Variants in INTS5 observed in about 807,000 individuals in gnomAD.
INTS5 encodes the protein KIAA1698.
A neutral mutation model predicts 60.0 loss-of-function variants in INTS5; 29 were observed. That is an observed-to-expected ratio of 0.48 (90% CI 0.36 to 0.66). INTS5 has a LOEUF of 0.66. Ranked by LOEUF, INTS5 falls within the 30% of genes least tolerant of loss-of-function variation. The pLI is 0.00. For synonymous variants in INTS5, 588 were observed against 558.8 expected, an observed-to-expected ratio of 1.05 and a Z score of -0.74; for missense variants, 1,129 against 1,307.9, an observed-to-expected ratio of 0.86 and a Z score of 2.11.
At position 62,647,354 on chromosome 11, in the gene INTS5, G is replaced by A. The variant is rs1944531028; in HGVS notation, c.2726C>T (p.Thr909Ile). The change falls in exon 2 of 2, where the codon ACC (threonine) becomes ATC (isoleucine). Residue 909 changes from threonine to isoleucine, a missense_variant. Coordinates refer to ENST00000330574, the MANE Select transcript of INTS5 (RefSeq NM_030628.2). Reference protein sequence around the residue: ...HSPWHLEASCTLVAVMAEGSL... With the variant: ...HSPWHLEASCILVAVMAEGSL... ...TCCCTCAGCCATGACAGCCACTAAG[G>A]TGCAGGATGCCTCCAGGTGCCAGGG... The A allele has an allele frequency of 1.9e-6, 3 of 1,613,854 alleles. No individual in the cohort carries two copies. Among genetic ancestry groups the A allele is most frequent in the Admixed American group, 3.3e-5 (2 of 60,032 alleles).
rs548939308 is a variant in INTS5 at position 62,648,055 on chromosome 11, G to C, written c.2025C>G (p.Thr675=). The C allele has an allele frequency of 6.2e-6, 10 of 1,614,172 alleles. No individual in the cohort carries two copies. In the African/African-American group the frequency reaches 1.3e-4, roughly 22 times the overall value. ...PGVASACQLL[T]RLSQTSPAGL... is the part of the protein sequence containing the mutation. ...CAGCTGGGGATGTCTGAGACAGGCG[G>C]GTGAGAAGCTGACAGGCTGAGGCCA... Residue 675 remains threonine (T), a synonymous_variant, in exon 2 of 2, where the codon ACC becomes ACG. Transcript: ENST00000330574. This position sits in a 1 kb window ranked among gnomAD's most constrained non-coding sequence, Gnocchi z 4.4.
chr11:62,649,707 C>T lies in INTS5; in HGVS notation c.373G>A (p.Val125Met). 6.2e-7 allele frequency: 1 copy of T among 1,614,228 alleles called. No individual in the cohort carries two copies. The highest frequency in any genetic ancestry group is 8.5e-7 in the Non-Finnish European group (1 of 1,180,042). ...ATAAACTCAGACAGCACCTGCTGCA[C>T]TTCCTGAACCACATCCTCTAGACCA... Reference protein sequence around the residue: ...GPGLEDVVQEVQQVLSEFIRA... With the variant: ...GPGLEDVVQEMQQVLSEFIRA... Residue 125 changes from valine to methionine, a missense_variant, in exon 2 of 2, where the codon GTG (valine) becomes ATG (methionine). Around this residue, in one of 3 missense-constraint regions of INTS5, gnomAD observed 1,070 missense variants for 1,246.1 expected, o/e 0.86. Coordinates refer to ENST00000330574, the MANE Select transcript of INTS5 (RefSeq NM_030628.2). The surrounding 1 kb of genome is among the most constrained non-coding windows in gnomAD (Gnocchi z 6.0).
At position 62,647,572 on chromosome 11, in the gene INTS5, G is replaced by C; in HGVS notation, c.2508C>G (p.His836Gln). 6.2e-7 allele frequency: 1 copy of C among 1,613,916 alleles called. No individual in the cohort carries two copies. The highest frequency in any genetic ancestry group is 1.1e-5 in the South Asian group (1 of 91,086). ...GAELAWPPEEHARATVERDLR... is the reference protein window; with the variant it reads ...GAELAWPPEEQARATVERDLR... ...GATCCCGCTCCACGGTGGCCCGGGC[G>C]TGTTCCTCGGGGGGCCAGGCCAGCT... is the stretch of plus-strand genomic sequence containing the variant. Residue 836 changes from histidine to glutamine, a missense_variant, in exon 2 of 2, where the codon CAC becomes CAG. Around this residue, in one of 3 missense-constraint regions of INTS5, gnomAD observed 1,070 missense variants for 1,246.1 expected, o/e 0.86. Coordinates refer to ENST00000330574, the MANE Select transcript of INTS5 (RefSeq NM_030628.2).
chr11:62,648,542 CT>C lies in INTS5; in HGVS notation c.1537del (p.Ser513AlafsTer11), dbSNP rs776385337. ...ATGGCCCAAGGCCTCAGGTCCACAG[CT>C]AGGCCGGGTATAGACAGACAGCAGG... is the stretch of plus-strand genomic sequence containing the variant. The part of the protein sequence containing the change: ...LGLLSVYTRP[S>X]CGPEALGHLL... On this transcript the variant is annotated frameshift_variant, in exon 2 of 2. Transcript: ENST00000330574. LOFTEE classifies it high-confidence loss of function. The surrounding 1 kb of genome is among the most constrained non-coding windows in gnomAD (Gnocchi z 4.4). 1 of 1,614,172 alleles carries C rather than the reference CT, an allele frequency of 6.2e-7. No homozygotes were observed. The highest frequency in any genetic ancestry group is 1.7e-5 in the Admixed American group (1 of 60,032).
At position 62,653,277 on chromosome 11, in the gene INTS5, C is replaced by T; in HGVS notation, c.-28G>A. ...CGGAGCCCGAGCCGAGCCCGAGGCG[C>T]GAGCGGCGGAGCGCAGGCGGCGCAT... On this transcript the variant is annotated 5_prime_UTR_variant, in exon 1 of 2. Transcript: ENST00000330574. 1 of 1,240,472 alleles carries T rather than the reference C, an allele frequency of 8.1e-7. No individual in the cohort carries two copies. The highest frequency in any genetic ancestry group is 1.0e-6 in the Non-Finnish European group (1 of 985,550). The allele number at this position is 1,240,472 out of a possible 1,614,324, so 76.8% of individuals were successfully genotyped here. A position where few individuals can be genotyped will look rare whatever the true frequency, so the allele number is the denominator to read the frequency against.
Position 62,647,219 on chromosome 11 carries a change from C to G in INTS5, c.2861G>C (p.Gly954Ala). ...GAAGATGAACTTCTGAGGCAAGGGC[C>G]CATGCTCCCGGAGAAAACCCCAGAC... Reference protein sequence around the residue: ...LSVWGFLREHGPLPQKFIFQS... With the variant: ...LSVWGFLREHAPLPQKFIFQS... The change falls in exon 2 of 2, where the codon GGG becomes GCG. Residue 954 changes from glycine (G) to alanine (A), a missense_variant. Gly to Ala is a moderately conservative substitution (Grantham distance 60, BLOSUM62 0). This residue lies in a region of INTS5 where 1,070 missense variants were observed against 1,246.1 expected (regional missense o/e 0.86). Transcript: ENST00000330574. The G allele has an allele frequency of 1.4e-5, 22 of 1,614,234 alleles. No individual in the cohort carries two copies. The highest frequency in any genetic ancestry group is 1.9e-5 in the Non-Finnish European group (22 of 1,180,044).
chr11:62,647,718 T>C lies in INTS5; in HGVS notation c.2362A>G (p.Ser788Gly). ...SLLSLLVHCC[S>G]APGGTECGEC... ...CCACATTCAGTGCCCCCTGGGGCACTGCAGCAGTGAACCAGGAGGCTGAGG... is the reference window on the plus strand; with the variant it reads ...CCACATTCAGTGCCCCCTGGGGCACCGCAGCAGTGAACCAGGAGGCTGAGG... The change falls in exon 2 of 2, where the codon AGT becomes GGT. Residue 788 changes from serine to glycine, a missense_variant. By Grantham distance (56) the Ser-to-Gly change is moderately conservative. This residue lies in a region of INTS5 where 1,070 missense variants were observed against 1,246.1 expected (regional missense o/e 0.86). Transcript: ENST00000330574. 6.2e-7 allele frequency: 1 copy of C among 1,614,176 alleles called. No homozygotes were observed. The highest frequency in any genetic ancestry group is 1.3e-5 in the African/African-American group (1 of 75,062).
rs1301791224 is a variant in INTS5, at chr11:62,647,117, A to G, written c.2963T>C (p.Leu988Pro). ...GGEGGPHLAV[L>P]HSVLHRNIDR... The stretch of plus-strand genomic sequence containing the variant: ...GATGTTGCGGTGGAGGACACTGTGC[A>G]GCACAGCCAGATGGGGTCCACCCTC... The change falls in exon 2 of 2, where the codon CTG becomes CCG. Residue 988 changes from leucine (L) to proline (P), a missense_variant. By Grantham distance (98) the Leu-to-Pro change is moderately conservative (BLOSUM62 -3). Transcript: ENST00000330574. 5.6e-6 allele frequency: 9 copies of G among 1,614,054 alleles called. No homozygotes were observed. Among genetic ancestry groups the G allele is most frequent in the Non-Finnish European group, 7.6e-6 (9 of 1,180,034 alleles).
chr11:62,651,842 G>A (rs1944597038), intron 1 of INTS5, among the ~76,000 whole-genome samples: 1 of 152,088 alleles, frequency 6.6e-6, no homozygotes, highest in Non-Finnish European at 1.5e-5. Flanking sequence ...CAGACTGTGT[G>A]CGCCGTCAAA....
rs199559370 is a variant in INTS5, at chr11:62,646,985, G to A, written c.*35C>T. On this transcript the variant is annotated 3_prime_UTR_variant, in exon 2 of 2. Transcript: ENST00000330574. ...ACGTTAGTCCCTTCCCTCTCTCACT[G>A]CTCAACCTCCCTGGGCTTCCAGAGC... 461 of 1,556,142 alleles carry A rather than the reference G, an allele frequency of 3.0e-4. 3 individuals are homozygous for A. In the African/African-American group the frequency reaches 5.8e-3, roughly 19 times the overall value.
chr11:62,652,234 G>A (rs1403688498), intron 1 of INTS5, among the ~76,000 whole-genome samples: 1 of 150,820 alleles, frequency 6.6e-6, no homozygotes, highest in Non-Finnish European at 1.5e-5. Context: ...CATGAGAATC[G>A]CTTGAACCCA....
rs1412229027 is a variant in INTS5 at position 62,647,711 on chromosome 11, G to A, written c.2369C>T (p.Pro790Leu). 6.2e-7 allele frequency: 1 copy of A among 1,614,048 alleles called. No homozygotes were observed. Among genetic ancestry groups the A allele is most frequent in the Non-Finnish European group, 8.5e-7 (1 of 1,180,046 alleles). The change falls in exon 2 of 2, where the codon CCA becomes CTA. Residue 790 changes from proline to leucine, a missense_variant. Pro to Leu is a moderately conservative substitution (Grantham distance 98). This residue lies in a region of INTS5 where 1,070 missense variants were observed against 1,246.1 expected (regional missense o/e 0.86). Transcript: ENST00000330574. Reference protein sequence around the residue: ...LSLLVHCCSAPGGTECGECWG... With the variant: ...LSLLVHCCSALGGTECGECWG... ...GCATTCCCCACATTCAGTGCCCCCTGGGGCACTGCAGCAGTGAACCAGGAG... is the reference window on the plus strand; with the variant it reads ...GCATTCCCCACATTCAGTGCCCCCTAGGGCACTGCAGCAGTGAACCAGGAG...
Position 62,647,571 on chromosome 11 carries a change from C to G in INTS5, c.2509G>C (p.Ala837Pro). 1 of 1,613,888 alleles carries G rather than the reference C, an allele frequency of 6.2e-7. No homozygotes were observed. Among genetic ancestry groups the G allele is most frequent in the Non-Finnish European group, 8.5e-7 (1 of 1,180,022 alleles). ...AELAWPPEEH[A>P]RATVERDLRI... ...AGATCCCGCTCCACGGTGGCCCGGG[C>G]GTGTTCCTCGGGGGGCCAGGCCAGC... is the stretch of plus-strand genomic sequence containing the variant. The change falls in exon 2 of 2, where the codon GCC becomes CCC. Residue 837 changes from alanine (A) to proline (P), a missense_variant. Around this residue, in one of 3 missense-constraint regions of INTS5, gnomAD observed 1,070 missense variants for 1,246.1 expected, o/e 0.86. Coordinates refer to ENST00000330574, the MANE Select transcript of INTS5 (RefSeq NM_030628.2).
Position 62,649,526 on chromosome 11 carries a change from GC to G in INTS5, c.553del (p.Ala185ProfsTer5). On this transcript the variant is annotated frameshift_variant, in exon 2 of 2. Coordinates refer to ENST00000330574, the MANE Select transcript of INTS5 (RefSeq NM_030628.2). LOFTEE classifies it high-confidence loss of function. This position sits in a 1 kb window ranked among gnomAD's most constrained non-coding sequence, Gnocchi z 6.0. ...ELLQLWMGCR[A>X]TRTLMDIYVQ... ...ATAGATGTCCATTAATGTACGCGTG[GC>G]CCTACAACCCATCCACAGCTGTAGC... is the stretch of plus-strand genomic sequence containing the variant. 1 of 1,614,206 alleles carries G rather than the reference GC, an allele frequency of 6.2e-7. No homozygotes were observed. The highest frequency in any genetic ancestry group is 8.5e-7 in the Non-Finnish European group (1 of 1,180,026).
intron 1 of INTS5, among the ~76,000 whole-genome samples, chr11:62,650,875 CTTT>C (rs933481092): frequency 6.6e-6 from 1 of 151,880 alleles, no homozygotes; most frequent in African/African-American, 2.4e-5. Context: ...ACCCAGCTAA[CTTT>C]TTAACCTTTT....
rs896703573 is a variant in INTS5 at position 62,648,221 on chromosome 11, T to C, written c.1859A>G (p.Glu620Gly). The change falls in exon 2 of 2, where the codon GAA becomes GGA. Residue 620 changes from glutamate to glycine, a missense_variant. Physicochemically the swap from Glu to Gly is moderately conservative, Grantham distance 98. Transcript: ENST00000330574. This position sits in a 1 kb window ranked among gnomAD's most constrained non-coding sequence, Gnocchi z 4.4. ...GAGAGAGGCAGCAGCTTCAGCTACTTCCTCCTCAGGATGTAGCAGGAGAGG... is the reference window on the plus strand; with the variant it reads ...GAGAGAGGCAGCAGCTTCAGCTACTCCCTCCTCAGGATGTAGCAGGAGAGG... Reference protein sequence around the residue: ...LAPLLLHPEEEVAEAAASLLA... With the variant: ...LAPLLLHPEEGVAEAAASLLA... 5 of 1,613,664 alleles carry C rather than the reference T, an allele frequency of 3.1e-6. No homozygotes were observed. The highest frequency in any genetic ancestry group is 4.2e-6 in the Non-Finnish European group (5 of 1,179,908).
rs1277158275 is a variant in INTS5, at chr11:62,646,977, C to T, written c.*43G>A. ...TCCGGAGCACGTTAGTCCCTTCCCT[C>T]TCTCACTGCTCAACCTCCCTGGGCT... On this transcript the variant is annotated 3_prime_UTR_variant, in exon 2 of 2. Coordinates refer to ENST00000330574, the MANE Select transcript of INTS5 (RefSeq NM_030628.2). The T allele has an allele frequency of 2.0e-6, 3 of 1,511,712 alleles. No homozygotes were observed. The South Asian group carries it at 3.5e-5, about 18-fold the overall frequency. The allele number at this position is 1,511,712 out of a possible 1,614,324, so 93.6% of individuals were successfully genotyped here.
At position 62,647,553 on chromosome 11, in the gene INTS5, G is replaced by A. The variant is rs979957229; in HGVS notation, c.2527C>T (p.Arg843Trp). 2.5e-6 allele frequency: 4 copies of A among 1,613,588 alleles called. No individual in the cohort carries two copies. Among genetic ancestry groups the A allele is most frequent in the South Asian group, 1.1e-5 (1 of 91,070 alleles). ...PEEHARATVE[R>W]DLRIGRRFRE... ...AAGCGCCGGCCAATGCGGAGATCCC[G>A]CTCCACGGTGGCCCGGGCGTGTTCC... is the stretch of plus-strand genomic sequence containing the variant. The change falls in exon 2 of 2, where the codon CGG becomes TGG. Residue 843 changes from arginine to tryptophan, a missense_variant. By Grantham distance (101) the Arg-to-Trp change is moderately radical. Coordinates refer to ENST00000330574, the MANE Select transcript of INTS5 (RefSeq NM_030628.2).
rs564490492 is a variant in INTS5, at chr11:62,649,425, G to A, written c.655C>T (p.His219Tyr). Residue 219 changes from histidine to tyrosine, a missense_variant, in exon 2 of 2, where the codon CAT becomes TAT. Transcript: ENST00000330574. This position sits in a 1 kb window ranked among gnomAD's most constrained non-coding sequence, Gnocchi z 6.0. The stretch of plus-strand genomic sequence containing the variant: ...ACAACCCAGTCAAAGTGTGGAGAAT[G>A]CTGAACAGAGGTATCCAGCAAGGCA... ...VDALLDTSVQ[H>Y]SPHFDWVVAH... 7.4e-6 allele frequency: 12 copies of A among 1,614,092 alleles called. No individual in the cohort carries two copies. The highest frequency in any genetic ancestry group is 3.3e-5 in the South Asian group (3 of 91,090).
Sources: gnomAD v4.1 joint callset for allele counts (sites outside exome capture counted in the v4.1 genomes callset) on GRCh38, gnomAD v4.1.1 for gene constraint, gnomAD v4.1.1 regional missense constraint, Gnocchi (gnomAD v3.1) non-coding constraint, MANE v1.5 for transcripts, NCBI Gene and HGNC (gene_info 2026-07-23, HGNC 2026-07-21) for gene names.